Variants in PARD3 observed in about 807,000 individuals in gnomAD.
The protein encoded by PARD3 is par-3 family cell polarity regulator.
A neutral mutation model predicts 155.4 loss-of-function variants in PARD3; 75 were observed. The ratio of observed to expected loss-of-function variants is 0.48; its 90% CI spans 0.40 to 0.58. The LOEUF is 0.58. PARD3 is among the 20% of genes least tolerant of loss of function. PARD3 has a pLI of 0.00. For synonymous variants in PARD3, 576 were observed against 610.5 expected (o/e 0.94, Z 0.83); for missense variants, 1,642 against 1,721.7 (o/e 0.95, Z 0.82).
chr10:34,146,312 T>C (rs754913588), intron 22 of PARD3, among the ~76,000 whole-genome samples: 2 of 152,164 alleles, frequency 1.3e-5, no homozygotes, highest in Non-Finnish European at 2.9e-5. Context: ...ACGAAAGACA[T>C]GGATGTAAAT....
chr10:34,517,713 A>AAC (rs1053094471), intron 2 of PARD3, among the ~76,000 whole-genome samples: 5 of 151,986 alleles, frequency 3.3e-5, no homozygotes, highest in East Asian at 3.9e-4. Flanking sequence ...CACACACACA[A>AAC]ACACACACAC....
chr10:34,234,881 CTCTT>C (rs1953132759), intron 22 of PARD3, among the ~76,000 whole-genome samples: 1 of 152,156 alleles, frequency 6.6e-6, no homozygotes, highest in African/African-American at 2.4e-5. Context: ...AGAAATAGCT[CTCTT>C]TCTTATAAAA....
At chr10:34,476,526 G>T (rs2078716161) in intron 3 of PARD3, among the ~76,000 whole-genome samples, 1 of 152,214 alleles carries the variant, frequency 6.6e-6, no homozygotes, top group South Asian at 2.1e-4. Flanking sequence ...CACACGCTAA[G>T]AACCACTGGC....
intron 2 of PARD3, among the ~76,000 whole-genome samples, chr10:34,684,707 T>C (rs2093911665): frequency 6.6e-6 from 1 of 151,724 alleles, no homozygotes; most frequent in Non-Finnish European, 1.5e-5. Context: ...ATTTCTCAAA[T>C]GTAAACCTGA....
chr10:34,703,515 C>G (rs970974881), intron 1 of PARD3, among the ~76,000 whole-genome samples: 3 of 151,184 alleles, frequency 2.0e-5, no homozygotes, highest in African/African-American at 7.3e-5. Flanking sequence ...TTAGACCAGT[C>G]AAGTAAGTCA....
intron 22 of PARD3, among the ~76,000 whole-genome samples, chr10:34,171,211 G>A (rs1194082883): frequency 2.0e-5 from 3 of 152,126 alleles, no homozygotes; most frequent in Admixed American, 1.3e-4. Context: ...TTTACTGAAA[G>A]GCAAAAAGAA....
rs188308123 is a variant in PARD3, at chr10:34,670,919, A to G, written c.222+25399T>C. 9.2e-5 allele frequency among the ~76,000 whole-genome samples: 14 copies of G among 152,296 alleles called. No homozygotes were observed. In the East Asian group the frequency reaches 2.3e-3, roughly 25 times the overall value. On this transcript the variant is annotated intron_variant, in intron 2 of 24. Coordinates refer to ENST00000374788, the MANE Select transcript of PARD3 (RefSeq NM_001184785.2). ...CCAGAAAAGACAAGAATACATTTCTACCTCCTCATTTTACAACTGATTACT... is the reference window on the plus strand; with the variant it reads ...CCAGAAAAGACAAGAATACATTTCTGCCTCCTCATTTTACAACTGATTACT...
intron 2 of PARD3, among the ~76,000 whole-genome samples, chr10:34,548,627 C>G (rs749348861): frequency 6.6e-6 from 1 of 152,036 alleles, no homozygotes; most frequent in Non-Finnish European, 1.5e-5. Flanking sequence ...CTAAACACAG[C>G]AGTCACTCAA....
intron 3 of PARD3, among the ~76,000 whole-genome samples, chr10:34,494,061 A>G: frequency 6.6e-6 from 1 of 152,162 alleles, no homozygotes; most frequent in Non-Finnish European, 1.5e-5. Context: ...GCTATTAAAC[A>G]TTTCCCAACA....
intron 12 of PARD3, among the ~76,000 whole-genome samples, chr10:34,369,316 GTTTATTTATTTA>G (rs200089677): frequency 1.6e-4 from 9 of 56,164 alleles, no homozygotes; most frequent in East Asian, 4.9e-4. Flanking sequence ...TTATTTATTT[GTTTATTTATTTA>G]TTTATTTATT....
At chr10:34,503,581 A>T (rs937280631) in intron 3 of PARD3, among the ~76,000 whole-genome samples, 8 of 152,204 alleles carry the variant, frequency 5.3e-5, no homozygotes, top group African/African-American at 1.9e-4. Context: ...AATTACTACC[A>T]AAGTACTACT....
chr10:34,212,608 G>A (rs1453329288), intron 22 of PARD3, among the ~76,000 whole-genome samples: 3 of 151,926 alleles, frequency 2.0e-5, no homozygotes, highest in Non-Finnish European at 4.4e-5. Flanking sequence ...ACTGTACCTG[G>A]TGCGCCCTAC....
chr10:34,716,754 G>A (rs1017803510), intron 1 of PARD3, among the ~76,000 whole-genome samples: 11 of 151,574 alleles, frequency 7.3e-5, no homozygotes, highest in South Asian at 4.2e-4. Context: ...CACCACCCCC[G>A]GCTAATTTTG....
rs142758040 is a variant in PARD3, at chr10:34,432,256, A to G, written c.714+18061T>C. On this transcript the variant is annotated intron_variant, in intron 5 of 24. Coordinates refer to ENST00000374788, the MANE Select transcript of PARD3 (RefSeq NM_001184785.2). ...AACAAACAGATGGAGAGGGAGACAA[A>G]TATTACATAGGTCTAGTCAAAAGGA... Among the ~76,000 whole-genome samples the G allele has an allele frequency of 3.6e-3, 539 of 151,632 alleles. 2 individuals are homozygous for G. The highest frequency in any genetic ancestry group is 5.7e-3 in the Non-Finnish European group (387 of 67,914).
chr10:34,114,587 T>C (rs3862565), intron 24 of PARD3, among the ~76,000 whole-genome samples: 39,554 of 152,082 alleles, frequency 0.26, 5,383 homozygotes, highest in Middle Eastern at 0.33. Flanking sequence ...TCAAGTGATC[T>C]GCCGACCTCA....
At chr10:34,562,292 C>G (rs2085556614) in intron 2 of PARD3, among the ~76,000 whole-genome samples, 1 of 151,816 alleles carries the variant, frequency 6.6e-6, no homozygotes, top group Non-Finnish European at 1.5e-5. Context: ...CAAAAATCAG[C>G]TGGGCGTGGT....
At chr10:34,602,551 T>TA (rs1459958546) in intron 2 of PARD3, among the ~76,000 whole-genome samples, 1 of 151,392 alleles carries the variant, frequency 6.6e-6, no homozygotes, top group Non-Finnish European at 1.5e-5. Context: ...TAGAATGGAG[T>TA]AAAAAAGAAA....
rs1460677304 is a variant in PARD3 at position 34,814,888 on chromosome 10, C to T, written c.108G>A (p.Lys36=). 2 of 1,532,628 alleles carry T rather than the reference C, an allele frequency of 1.3e-6. No individual in the cohort carries two copies. The highest frequency in any genetic ancestry group is 4.3e-4 in the Middle Eastern group (2 of 4,640). 94.9% of individuals were successfully genotyped at this position (1,532,628 alleles called of 1,614,324 possible). A position where few individuals can be genotyped will look rare whatever the true frequency, so the allele number is the denominator to read the frequency against. The change falls in exon 1 of 25, where the codon AAG becomes AAA. Residue 36 remains lysine (K), a synonymous_variant. Coordinates refer to ENST00000374788, the MANE Select transcript of PARD3 (RefSeq NM_001184785.2). ...LIQQAVTRYR[K]AIAKDPNYWI... is the part of the protein sequence containing the mutation. ...CCCGGCCCCTCACCTTGGCGATGGC[C>T]TTCCGGTAGCGGGTCACCGCCTGCT... is the stretch of plus-strand genomic sequence containing the variant.
intron 22 of PARD3, among the ~76,000 whole-genome samples, chr10:34,161,046 A>G (rs2133045993): frequency 6.6e-6 from 1 of 152,292 alleles, no homozygotes; most frequent in South Asian, 2.1e-4. Context: ...GTTTGAGACC[A>G]GCCTAGGCAA....
Sources: gnomAD v4.1 joint callset for allele counts (sites outside exome capture counted in the v4.1 genomes callset) on GRCh38, gnomAD v4.1.1 for gene constraint, MANE v1.5 for transcripts, NCBI Gene and HGNC (gene_info 2026-07-23, HGNC 2026-07-21) for gene names.